The following PTPN4 variants were observed in gnomAD, a reference collection of about 807,000 sequenced individuals.
The protein encoded by PTPN4 is protein tyrosine phosphatase non-receptor type 4.
PTPN4 carries 49 observed loss-of-function variants against 135.5 expected under a neutral mutation model. The ratio of observed to expected loss-of-function variants is 0.36; its 90% CI spans 0.29 to 0.46. The LOEUF (loss-of-function observed/expected upper bound fraction) is 0.46. Ranked by LOEUF, PTPN4 falls within the 20% of genes least tolerant of loss-of-function variation. The pLI, the probability that PTPN4 is intolerant of heterozygous loss-of-function variation, is 1.00. For synonymous variants in PTPN4, 333 were observed against 369.9 expected (o/e 0.90, Z 1.14); for missense variants, 860 against 1,101.0 (o/e 0.78, Z 3.10).
rs938168367 is a variant in PTPN4 at position 119,977,313 on chromosome 2, T to C, written c.*243T>C. On this transcript the variant is annotated 3_prime_UTR_variant, in exon 27 of 27. Transcript: ENST00000263708. Reference sequence around the variant, plus strand: ...CGAACAAATAGTAAATAACTGAGTATGTTCAGGGTAATTTATGAAATTTTG... The same window carrying C: ...CGAACAAATAGTAAATAACTGAGTACGTTCAGGGTAATTTATGAAATTTTG... The C allele has an allele frequency of 8.0e-6, 4 of 498,062 alleles. No homozygotes were observed. The highest frequency in any genetic ancestry group is 6.9e-4 in the Middle Eastern group (1 of 1,456). 30.9% of individuals were successfully genotyped at this position (498,062 alleles called of 1,614,324 possible). A position where few individuals can be genotyped will look rare whatever the true frequency, so the allele number is the denominator to read the frequency against.
chr2:119,775,802 G>GATATCTATATCTATATCTATATCT (rs56763862), intron 1 of PTPN4, among the ~76,000 whole-genome samples: 3 of 149,876 alleles, frequency 2.0e-5, no homozygotes, highest in Admixed American at 1.3e-4. Flanking sequence ...AGAGATTGTG[G>GATATCTATATCTATATCTATATCT]ATATCTATAT....
At chr2:119,892,428 C>A (rs946038320) in intron 9 of PTPN4, among the ~76,000 whole-genome samples, 2 of 152,028 alleles carry the variant, frequency 1.3e-5, no homozygotes, top group African/African-American at 4.8e-5. Flanking sequence ...GGTCATACAT[C>A]AGATATTGAT....
At chr2:119,952,289 GC>G (rs897302295) in intron 19 of PTPN4, among the ~76,000 whole-genome samples, 160 bp downstream of exon 19, 3 of 151,496 alleles carry the variant, frequency 2.0e-5, no homozygotes, top group Admixed American at 1.3e-4. Context: ...CAAGTTCTTT[GC>G]CCCCCCACCC....
rs116775079 is a variant in PTPN4 at position 119,939,479 on chromosome 2, C to A, written c.1355+4521C>A. Reference sequence around the variant, plus strand: ...CCATGCCCAGCTAATTTTTGTATTTCTTGTGGAAACAGGGTTGCATCATGT... The same window carrying A: ...CCATGCCCAGCTAATTTTTGTATTTATTGTGGAAACAGGGTTGCATCATGT... On this transcript the variant is annotated intron_variant, in intron 15 of 26. Transcript: ENST00000263708. Among the ~76,000 whole-genome samples the A allele has an allele frequency of 7.4e-3, 1,122 of 152,046 alleles. 13 individuals carry two copies. The highest frequency in any genetic ancestry group is 0.026 in the African/African-American group (1,059 of 41,494).
intron 2 of PTPN4, among the ~76,000 whole-genome samples, chr2:119,847,329 T>TA (rs59629850): frequency 0.14 from 9,157 of 63,600 alleles, 541 homozygotes; most frequent in Non-Finnish European, 0.17. Flanking sequence ...TATATATATA[T>TA]TTTTTTTTTT....
intron 12 of PTPN4, 37 bp downstream of exon 12, chr2:119,920,278 A>G (rs1156993385): frequency 2.0e-6 from 3 of 1,534,344 alleles, no homozygotes; most frequent in African/African-American, 1.4e-5. Context: ...TTATTGTTGG[A>G]TTTTGTTTCC....
At chr2:119,767,703 T>A (rs1690654105) in intron 1 of PTPN4, among the ~76,000 whole-genome samples, 1 of 152,226 alleles carries the variant, frequency 6.6e-6, no homozygotes, top group Non-Finnish European at 1.5e-5. Context: ...TTTCCTCAAC[T>A]TAAGTTCATC....
rs374462802 is a variant in PTPN4 at position 119,821,854 on chromosome 2, T to C, written c.138+11863T>C. Reference sequence around the variant, plus strand: ...TAGAGAATTTTAGATTGGAAATAATTTCTCAGAGTTTTGAAAATATTGCCT... The same window carrying C: ...TAGAGAATTTTAGATTGGAAATAATCTCTCAGAGTTTTGAAAATATTGCCT... On this transcript the variant is annotated intron_variant, in intron 2 of 26. Transcript: ENST00000263708. Among the ~76,000 whole-genome samples, 18 of 152,354 alleles carry C rather than the reference T, an allele frequency of 1.2e-4. No individual in the cohort carries two copies. The South Asian group carries it at 3.3e-3, about 28-fold the overall frequency.
intron 2 of PTPN4, among the ~76,000 whole-genome samples, chr2:119,849,369 A>G (rs1302007967): frequency 6.6e-6 from 1 of 152,056 alleles, no homozygotes; most frequent in Non-Finnish European, 1.5e-5. Context: ...GGTTGTGATC[A>G]TGGTTCACTG....
chr2:119,957,140 G>T (rs943933929), intron 22 of PTPN4, 63 bp downstream of exon 22: 16 of 1,422,264 alleles, frequency 1.1e-5, no homozygotes, highest in Admixed American at 2.1e-5. Flanking sequence ...GAACTTTGAG[G>T]TTCTTTTTGT....
intron 22 of PTPN4, among the ~76,000 whole-genome samples, chr2:119,958,286 A>G (rs991505916): frequency 1.3e-5 from 2 of 151,158 alleles, no homozygotes; most frequent in African/African-American, 2.4e-5. Context: ...GCAGTGAGCC[A>G]TGATCACATG....
chr2:119,783,442 C>T (rs1018542702), intron 1 of PTPN4, among the ~76,000 whole-genome samples: 2 of 152,120 alleles, frequency 1.3e-5, no homozygotes, highest in African/African-American at 2.4e-5. Context: ...GTGGAGATTG[C>T]GGAAATAATA....
At chr2:119,838,596 A>AC (rs1227672945) in intron 2 of PTPN4, among the ~76,000 whole-genome samples, 17 of 152,190 alleles carry the variant, frequency 1.1e-4, no homozygotes. Flanking sequence ...AATTCTAGTG[A>AC]TAAAGCTAAA....
rs148690944 is a variant in PTPN4 at position 119,894,307 on chromosome 2, C to A, written c.676-6411C>A. On this transcript the variant is annotated intron_variant, in intron 9 of 26. Coordinates refer to ENST00000263708, the MANE Select transcript of PTPN4 (RefSeq NM_002830.4). ...AAGGAACTCTTTTCTCAGATTGGAG[C>A]TATACATATGACTTTATCCATGTCA... Among the ~76,000 whole-genome samples the A allele has an allele frequency of 3.6e-3, 543 of 152,302 alleles. 3 individuals carry two copies. The highest frequency in any genetic ancestry group is 0.013 in the African/African-American group (521 of 41,558).
intron 9 of PTPN4, among the ~76,000 whole-genome samples, chr2:119,896,122 C>G (rs1269957259): frequency 6.6e-6 from 1 of 152,134 alleles, no homozygotes; most frequent in Non-Finnish European, 1.5e-5. Context: ...GGCAAACATC[C>G]TTGTAACTAC....
At chr2:119,943,580 C>CTTTTTTT (rs70949374) in intron 15 of PTPN4, among the ~76,000 whole-genome samples, 64 of 79,912 alleles carry the variant, frequency 8.0e-4, no homozygotes, top group East Asian at 1.3e-3. Context: ...TCATTTTTTT[C>CTTTTTTT]TTTTTTTTTT....
chr2:119,902,522 T>C (rs1321582198), intron 10 of PTPN4, among the ~76,000 whole-genome samples: 1 of 152,182 alleles, frequency 6.6e-6, no homozygotes, highest in African/African-American at 2.4e-5. Flanking sequence ...GATGGCTGAC[T>C]AGAGTCACGG....
rs981570032 is a variant in PTPN4, at chr2:119,845,405, A to G, written c.139-17131A>G. ...TGTTTCTAATTCAGTCTCTTTACTT[A>G]TGATAGGTATATTTAAAATTTTTAT... On this transcript the variant is annotated intron_variant, in intron 2 of 26. Coordinates refer to ENST00000263708, the MANE Select transcript of PTPN4 (RefSeq NM_002830.4). Among the ~76,000 whole-genome samples, 10 of 152,208 alleles carry G rather than the reference A, an allele frequency of 6.6e-5. 1 individual carries two copies. Among genetic ancestry groups the G allele is most frequent in the African/African-American group, 2.4e-4 (10 of 41,546 alleles).
intron 3 of PTPN4, among the ~76,000 whole-genome samples, chr2:119,872,907 T>C (rs1472324956): frequency 1.3e-5 from 2 of 152,184 alleles, no homozygotes; most frequent in East Asian, 3.8e-4. Flanking sequence ...GAAATAAATA[T>C]ATGGCTGTAA....
Sources: gnomAD v4.1 joint callset for allele counts (sites outside exome capture counted in the v4.1 genomes callset) on GRCh38, gnomAD v4.1.1 for gene constraint, MANE v1.5 for transcripts, NCBI Gene and HGNC (gene_info 2026-07-23, HGNC 2026-07-21) for gene names.